ESR1: variants seen among roughly 807,000 people sequenced by gnomAD.
ESR1 encodes the protein estrogen receptor 1, also known as estrogen receptor.
Under a neutral mutation model 52.7 loss-of-function variants are expected in ESR1, and 12 were observed. That is an observed-to-expected ratio of 0.23 (90% CI 0.15 to 0.37). The LOEUF (loss-of-function observed/expected upper bound fraction) is 0.37. Among genes scored for constraint, ESR1 ranks in the 10% least tolerant of loss-of-function variants. ESR1 has a pLI of 1.00. For missense variants in ESR1, 584 were observed against 779.7 expected, an observed-to-expected ratio of 0.75 and a Z score of 2.99; for synonymous variants, 305 against 316.8, an observed-to-expected ratio of 0.96 and a Z score of 0.39.
At chr6:152,127,697 A>C (rs763622227) in exon 7 of ESR1, 2 of 152,172 alleles carry the variant, frequency 1.3e-5, no homozygotes, top group Non-Finnish European at 2.9e-5. Context: ...AATCTGCCTT[A>C]GAGGGGAGAG....
chr6:151,901,385 A>G (rs1796668873), intron 3 of ESR1, among the ~76,000 whole-genome samples: 1 of 152,330 alleles, frequency 6.6e-6, no homozygotes, highest in East Asian at 1.9e-4. Context: ...GAATGTAAGT[A>G]GGGCTTTCAT....
At chr6:152,033,000 G>A (rs1318310803) in intron 5 of ESR1, among the ~76,000 whole-genome samples, 2 of 151,040 alleles carry the variant, frequency 1.3e-5, no homozygotes, top group African/African-American at 4.9e-5. Context: ...ATCTACAACT[G>A]TCTGATCTTT....
chr6:152,075,567 C>A (rs974230711), intron 6 of ESR1, among the ~76,000 whole-genome samples: 1 of 152,220 alleles, frequency 6.6e-6, no homozygotes, highest in Non-Finnish European at 1.5e-5. Context: ...GAACTTTCAA[C>A]ACTAGTTATC....
In ESR1 at chr6:151,944,217, C is replaced by T. The variant is rs142712646; in HGVS notation, c.805C>T (p.Arg269Cys). The T allele has an allele frequency of 1.1e-3, 1,707 of 1,613,956 alleles. 3 individuals are homozygous for T. Among genetic ancestry groups the T allele is most frequent in the Middle Eastern group, 3.5e-3 (21 of 6,062 alleles). The change falls in exon 4 of 8, where the codon CGC becomes TGC. Residue 269 changes from arginine (R) to cysteine (C), a missense_variant. By Grantham distance (180) the Arg-to-Cys change is radical. Coordinates refer to ENST00000206249, the MANE Select transcript of ESR1 (RefSeq NM_000125.4). ...RRGGRMLKHK[R>C]QRDDGEGRGE... ...AGGAGGGAGAATGTTGAAACACAAGCGCCAGAGAGATGATGGGGAGGGCAG... is the reference window on the plus strand; with the variant it reads ...AGGAGGGAGAATGTTGAAACACAAGTGCCAGAGAGATGATGGGGAGGGCAG...
chr6:151,986,149 T>C (rs1440068061), intron 4 of ESR1, among the ~76,000 whole-genome samples: 2 of 152,142 alleles, frequency 1.3e-5, no homozygotes, highest in African/African-American at 4.8e-5. Flanking sequence ...GATGTGACTG[T>C]CCTTCTTCAT....
intron 2 of ESR1, among the ~76,000 whole-genome samples, chr6:151,745,886 T>C (rs1783443851): frequency 6.6e-6 from 1 of 152,148 alleles, no homozygotes; most frequent in African/African-American, 2.4e-5. Context: ...AACAACTCCT[T>C]CCCCATTTCC....
chr6:151,892,046 T>C (rs915720981), intron 3 of ESR1, among the ~76,000 whole-genome samples: 1 of 152,194 alleles, frequency 6.6e-6, no homozygotes, highest in African/African-American at 2.4e-5. Context: ...AAAATGCCCA[T>C]TCTGGTATAT....
chr6:151,751,339 T>TA (rs1350528273), intron 2 of ESR1, among the ~76,000 whole-genome samples: 1 of 152,142 alleles, frequency 6.6e-6, no homozygotes, highest in Middle Eastern at 3.2e-3. Context: ...TGTTTGAGAG[T>TA]AAAAGTTTGA....
chr6:151,944,619 G>C (rs759369685), intron 4 of ESR1, 111 bp downstream of exon 4: 2 of 943,402 alleles, frequency 2.1e-6, no homozygotes, highest in East Asian at 2.5e-5. Flanking sequence ...TATGTAATTG[G>C]TTTCAAGGTT....
intron 5 of ESR1, among the ~76,000 whole-genome samples, chr6:152,051,763 G>A (rs995479313): frequency 3.9e-5 from 6 of 152,250 alleles, no homozygotes; most frequent in African/African-American, 1.4e-4. Flanking sequence ...CACTACCATA[G>A]CATATTAAAA....
upstream of ESR1, among the ~76,000 whole-genome samples, chr6:151,802,964 C>G (rs913140298): frequency 6.6e-6 from 1 of 150,680 alleles, no homozygotes; most frequent in Non-Finnish European, 1.5e-5. Context: ...TGTACTCCAG[C>G]CTGGGTGACA....
chr6:152,025,404 CTT>C (rs1384677062), intron 5 of ESR1, among the ~76,000 whole-genome samples: 1 of 151,732 alleles, frequency 6.6e-6, no homozygotes, highest in Non-Finnish European at 1.5e-5. Context: ...TCTCTGGAAA[CTT>C]TATTTCTTCT....
At chr6:152,022,292 G>A (rs1415606746) in intron 5 of ESR1, among the ~76,000 whole-genome samples, 1 of 152,142 alleles carries the variant, frequency 6.6e-6, no homozygotes, top group African/African-American at 2.4e-5. Flanking sequence ...CTGAAAGGAT[G>A]GCAATGCTAT....
downstream of ESR1, among the ~76,000 whole-genome samples, chr6:152,105,275 C>T (rs982053859): frequency 3.9e-5 from 6 of 152,170 alleles, no homozygotes; most frequent in African/African-American, 1.2e-4. Flanking sequence ...GTATAGGTGA[C>T]AACTTAGTAC....
rs142917907 is a variant in ESR1 at position 151,682,982 on chromosome 6, T to C, written n.74-18893T>C. ...TTAAATGCATTCATTTTCTAAATGA[T>C]GACAGAAAATTAGACTCATATTACT... On this transcript the variant is annotated intron_variant and non_coding_transcript_variant, in intron 1 of 2. Coordinates refer to the ESR1 transcript ENST00000473497. 4.4e-4 allele frequency among the ~76,000 whole-genome samples: 67 copies of C among 152,340 alleles called. 2 individuals carry two copies. The highest frequency in any genetic ancestry group is 1.3e-3 in the African/African-American group (52 of 41,584).
intron 6 of ESR1, among the ~76,000 whole-genome samples, chr6:152,088,947 A>G (rs1340055485): frequency 6.6e-6 from 1 of 152,228 alleles, no homozygotes; most frequent in Admixed American, 6.5e-5. Flanking sequence ...CCTTTGTTAT[A>G]AGATGAAAAA....
At chr6:151,743,081 G>A (rs1370884223) in intron 2 of ESR1, among the ~76,000 whole-genome samples, 1 of 152,154 alleles carries the variant, frequency 6.6e-6, no homozygotes, top group African/African-American at 2.4e-5. Context: ...AAACTCTACA[G>A]TGCCAAGAAA....
At chr6:151,751,676 A>G (rs1474190136) in intron 2 of ESR1, among the ~76,000 whole-genome samples, 2 of 152,202 alleles carry the variant, frequency 1.3e-5, no homozygotes, top group Non-Finnish European at 2.9e-5. Context: ...TCCAATTTAA[A>G]CAAAGTATTT....
At chr6:151,723,713 A>G (rs1421616763) in intron 2 of ESR1, among the ~76,000 whole-genome samples, 1 of 152,114 alleles carries the variant, frequency 6.6e-6, no homozygotes, top group Non-Finnish European at 1.5e-5. Flanking sequence ...TACTAAAAAT[A>G]CAAAAATTAG....
Sources: gnomAD v4.1 joint callset for allele counts (sites outside exome capture counted in the v4.1 genomes callset) on GRCh38, gnomAD v4.1.1 for gene constraint, MANE v1.5 for transcripts, NCBI Gene and HGNC (gene_info 2026-07-23, HGNC 2026-07-21) for gene names.